The following RIMS2 variants were observed in gnomAD, a reference collection of about 807,000 sequenced individuals.
The protein encoded by RIMS2 is regulating synaptic membrane exocytosis protein 2.
In RIMS2, 59 loss-of-function variants were observed where a neutral mutation model predicts 174.4. The observed-to-expected ratio is 0.34, with a 90% CI of 0.27 to 0.42. The LOEUF (loss-of-function observed/expected upper bound fraction) is 0.42. Ranked by LOEUF, RIMS2 falls within the 10% of genes least tolerant of loss-of-function variation. The probability of loss-of-function intolerance (pLI) is 1.00; values close to 1 mark genes in which losing one functional copy is unlikely to be tolerated. For missense variants in RIMS2, 1,620 were observed against 1,666.3 expected, an observed-to-expected ratio of 0.97 and a Z score of 0.48; for synonymous variants, 606 against 572.5, an observed-to-expected ratio of 1.06 and a Z score of -0.84.
intron 19 of RIMS2, among the ~76,000 whole-genome samples, chr8:104,197,903 A>T (rs2099033587): frequency 6.6e-6 from 1 of 151,920 alleles, no homozygotes; most frequent in Non-Finnish European, 1.5e-5. Context: ...TTTTAATTTA[A>T]TCTTTACATA....
intron 1 of RIMS2, among the ~76,000 whole-genome samples, chr8:103,587,634 C>T (rs933903595): frequency 6.6e-6 from 1 of 151,860 alleles, no homozygotes; most frequent in Non-Finnish European, 1.5e-5. Context: ...TGTGATACCT[C>T]ATATCAAGAG....
intron 17 of RIMS2, among the ~76,000 whole-genome samples, chr8:103,999,125 A>G (rs1422036737): frequency 6.6e-6 from 1 of 151,756 alleles, no homozygotes; most frequent in Non-Finnish European, 1.5e-5. Flanking sequence ...ATGGTTGGTC[A>G]CCTTGACTGT....
At chr8:104,056,261 G>A (rs9656789) in intron 19 of RIMS2, among the ~76,000 whole-genome samples, 21,805 of 151,714 alleles carry the variant, frequency 0.14, 1,842 homozygotes, top group Non-Finnish European at 0.2. Flanking sequence ...AAAATTAGCC[G>A]GGCATGGTGG....
At chr8:104,137,889 T>A (rs574684099) in intron 19 of RIMS2, among the ~76,000 whole-genome samples, 9 of 152,314 alleles carry the variant, frequency 5.9e-5, no homozygotes, top group African/African-American at 2.2e-4. Context: ...TCATTCTATC[T>A]AATCATATTT....
intron 19 of RIMS2, among the ~76,000 whole-genome samples, chr8:104,053,743 C>T (rs920757798): frequency 1.3e-5 from 2 of 152,068 alleles, no homozygotes; most frequent in Non-Finnish European, 2.9e-5. Flanking sequence ...CCATTTGAAG[C>T]TGGAATTTTA....
intron 1 of RIMS2, among the ~76,000 whole-genome samples, chr8:103,550,199 G>C (rs547029784): frequency 8.5e-5 from 13 of 152,118 alleles, no homozygotes; most frequent in Non-Finnish European, 1.9e-4. Flanking sequence ...TGACCACATA[G>C]TTGGGAGTAA....
intron 2 of RIMS2, among the ~76,000 whole-genome samples, chr8:103,754,714 G>C (rs527847598): frequency 6.6e-6 from 1 of 152,110 alleles, no homozygotes; most frequent in South Asian, 2.1e-4. Context: ...GATCTTTGTT[G>C]GTTTAAAGTC....
At chr8:104,244,255 T>C (rs1389355587) in intron 19 of RIMS2, among the ~76,000 whole-genome samples, 3 of 152,196 alleles carry the variant, frequency 2.0e-5, no homozygotes, top group African/African-American at 7.2e-5. Flanking sequence ...GAACAAAAAT[T>C]AAAAATCTCT....
intron 19 of RIMS2, among the ~76,000 whole-genome samples, chr8:104,119,161 C>T (rs1429026064): frequency 6.7e-6 from 1 of 148,836 alleles, no homozygotes; most frequent in Admixed American, 6.7e-5. Flanking sequence ...TCCTAGCCAA[C>T]ATGGTAAACC....
At chr8:104,108,032 G>A (rs946717300) in intron 19 of RIMS2, among the ~76,000 whole-genome samples, 4 of 145,730 alleles carry the variant, frequency 2.7e-5, no homozygotes, top group Non-Finnish European at 5.9e-5. Flanking sequence ...TCATAATAAT[G>A]TATTTCATGG....
chr8:103,884,087 T>C (rs977287267), intron 3 of RIMS2, among the ~76,000 whole-genome samples: 13 of 151,840 alleles, frequency 8.6e-5, no homozygotes, highest in Non-Finnish European at 7.4e-5. Context: ...GTGAACCTAA[T>C]TGGTAGATTG....
chr8:103,700,890 A>C (rs1043945714), intron 2 of RIMS2, among the ~76,000 whole-genome samples: 2 of 152,092 alleles, frequency 1.3e-5, no homozygotes, highest in African/African-American at 4.8e-5. Flanking sequence ...TATTATAAGA[A>C]GCTCACAGAA....
chr8:103,895,362 A>G (rs1016394063), intron 4 of RIMS2, among the ~76,000 whole-genome samples: 3 of 151,498 alleles, frequency 2.0e-5, no homozygotes, highest in Admixed American at 6.6e-5. Context: ...GAAGTTTGAG[A>G]TTAAGGTGCT....
chr8:103,876,864 T>TTTA (rs1378279723), intron 3 of RIMS2, among the ~76,000 whole-genome samples: 6 of 68,102 alleles, frequency 8.8e-5, no homozygotes, highest in Non-Finnish European at 1.5e-4. Context: ...ACACACTATT[T>TTTA]TATATATATA....
chr8:104,211,546 C>T (rs4734749), intron 19 of RIMS2, among the ~76,000 whole-genome samples: 61,591 of 150,622 alleles, frequency 0.41, 12,962 homozygotes, highest in East Asian at 0.65. Flanking sequence ...TTAAGAGGTT[C>T]GTGACATGAC....
At chr8:104,044,057 C>T (rs777853195) in intron 19 of RIMS2, among the ~76,000 whole-genome samples, 1 of 151,566 alleles carries the variant, frequency 6.6e-6, no homozygotes, top group Non-Finnish European at 1.5e-5. Context: ...GGATTTTGAG[C>T]GGCTTCCCCT....
chr8:103,565,428 C>G (rs1434463246), intron 1 of RIMS2, among the ~76,000 whole-genome samples: 1 of 152,014 alleles, frequency 6.6e-6, no homozygotes, highest in Non-Finnish European at 1.5e-5. Flanking sequence ...CCTCAGCCTT[C>G]CAAGTAGCCA....
chr8:103,778,075 GT>G (rs2098338302), intron 3 of RIMS2, among the ~76,000 whole-genome samples: 1 of 151,770 alleles, frequency 6.6e-6, no homozygotes, highest in Non-Finnish European at 1.5e-5. Flanking sequence ...TTCTTCATAG[GT>G]TAGAAGTAAA....
intron 3 of RIMS2, among the ~76,000 whole-genome samples, chr8:103,811,569 C>G (rs961890706): frequency 6.6e-6 from 1 of 151,896 alleles, no homozygotes; most frequent in Non-Finnish European, 1.5e-5. Flanking sequence ...CTCAGCCTCC[C>G]GAGTAGCTGG....
Sources: allele counts gnomAD v4.1 joint callset (sites outside exome capture counted in the v4.1 genomes callset), GRCh38; gene constraint gnomAD v4.1.1; transcripts MANE v1.5; gene names NCBI Gene and HGNC (gene_info 2026-07-23, HGNC 2026-07-21).